RBM19: variants seen among roughly 807,000 people sequenced by gnomAD.
RBM19 encodes RNA binding motif protein 19.
In RBM19, 94 loss-of-function variants were observed where a neutral mutation model predicts 116.8. The ratio of observed to expected loss-of-function variants is 0.80; its 90% CI spans 0.68 to 0.95. The LOEUF (loss-of-function observed/expected upper bound fraction) is 0.95. RBM19 is among the 40% of genes least tolerant of loss of function. RBM19 has a pLI of 0.00. For missense variants in RBM19, 1,161 were observed against 1,220.7 expected (o/e 0.95, Z 0.73); for synonymous variants, 475 against 494.1 (o/e 0.96, Z 0.51).
intron 21 of RBM19, 134 bp from the exon 22 acceptor site, chr12:113,859,030 AC>A: frequency 1.3e-6 from 1 of 748,856 alleles, no homozygotes; most frequent in Non-Finnish European, 2.2e-6. Context: ...ACACACGCTC[AC>A]ACATGTCAGC....
rs12582468 is a variant in RBM19 at position 113,895,437 on chromosome 12, T to C, written c.2558+19532A>G. Among the ~76,000 whole-genome samples, 168 of 152,076 alleles carry C rather than the reference T, an allele frequency of 1.1e-3. 2 individuals are homozygous for C. In the East Asian group the frequency reaches 0.017, roughly 15 times the overall value. On this transcript the variant is annotated intron_variant, in intron 21 of 23. Transcript: ENST00000261741. ...AATGGGCTGCCTGGCCTCCTGAGAG[T>C]GAAGGATACGTACGGCATTATGAAA...
chr12:113,937,001 T>A lies in RBM19; in HGVS notation c.2068+6A>T. On this transcript the variant is annotated splice_donor_region_variant and intron_variant, in intron 16 of 23. Coordinates refer to ENST00000261741, the MANE Select transcript of RBM19 (RefSeq NM_016196.4). ...AAGCCATCCTGGTCTCAGACTCAGC[T>A]CTTACCTGTTTCTGGCTCTGCTGGG... The A allele has an allele frequency of 6.2e-7, 1 of 1,613,680 alleles. No homozygotes were observed. Among genetic ancestry groups the A allele is most frequent in the South Asian group, 1.1e-5 (1 of 91,038 alleles).
In RBM19 at chr12:113,855,871, A is replaced by G. The variant is rs145730467; in HGVS notation, c.2664+2920T>C. 1.6e-4 allele frequency among the ~76,000 whole-genome samples: 25 copies of G among 152,328 alleles called. No homozygotes were observed. In the East Asian group the frequency reaches 4.6e-3, roughly 28 times the overall value. Reference sequence around the variant, plus strand: ...TGTGGACGATTCTACGGGTCAGTGGAGAGTGCTAAATGTTCCACTCAGAAG... The same window carrying G: ...TGTGGACGATTCTACGGGTCAGTGGGGAGTGCTAAATGTTCCACTCAGAAG... On this transcript the variant is annotated intron_variant, in intron 22 of 23. Transcript: ENST00000261741.
Position 113,942,368 on chromosome 12 carries a change from G to A in RBM19, c.1693C>T (p.Arg565Cys), listed in dbSNP as rs746667832. The change falls in exon 14 of 24, where the codon CGT becomes TGT. Residue 565 changes from arginine to cysteine, a missense_variant. By Grantham distance (180) the Arg-to-Cys change is radical. Transcript: ENST00000261741. ...GETQLVQEVRRFLIDNGVSLD... is the reference protein window; with the variant it reads ...GETQLVQEVRCFLIDNGVSLD... ...CTGACCCCGTTGTCTATGAGAAAAC[G>A]CCGCACTTCCTGGACGAGCTGGGTT... is the stretch of plus-strand genomic sequence containing the variant. 3.7e-6 allele frequency: 6 copies of A among 1,609,104 alleles called. No individual in the cohort carries two copies. The highest frequency in any genetic ancestry group is 4.2e-6 in the Non-Finnish European group (5 of 1,179,914).
chr12:113,878,940 C>T (rs1434565198), intron 21 of RBM19, among the ~76,000 whole-genome samples: 1 of 151,906 alleles, frequency 6.6e-6, no homozygotes, highest in Non-Finnish European at 1.5e-5. Context: ...GTGAGTGGCA[C>T]ACAGAGAATT....
chr12:113,919,399 G>T (rs182524529), intron 19 of RBM19, among the ~76,000 whole-genome samples: 1 of 152,122 alleles, frequency 6.6e-6, no homozygotes. Flanking sequence ...GTGAAACCCC[G>T]TCTCTACTAA....
chr12:113,893,156 T>G (rs1881072461), intron 21 of RBM19, among the ~76,000 whole-genome samples: 1 of 151,934 alleles, frequency 6.6e-6, no homozygotes. Flanking sequence ...CTCAGTCTCC[T>G]GAGTAACTGG....
At chr12:113,889,981 C>A (rs1330716560) in intron 21 of RBM19, among the ~76,000 whole-genome samples, 1 of 152,130 alleles carries the variant, frequency 6.6e-6, no homozygotes, top group East Asian at 1.9e-4. Context: ...CAGCTCCCTG[C>A]TCCAAGGCTG....
At chr12:113,950,238 T>C in intron 8 of RBM19, 84 bp from the exon 9 acceptor site, 2 of 1,140,388 alleles carry the variant, frequency 1.8e-6, no homozygotes, top group East Asian at 4.8e-5. Flanking sequence ...CATACTGTGC[T>C]AGGAGCAGAA....
rs116504266 is a variant in RBM19, at chr12:113,834,455, A to C, written c.2785+10213T>G. ...GATAAAATAAGGGCAGCCACTTCAG[A>C]AGCCCTAGGGGCTGCAAGGCCTTTC... On this transcript the variant is annotated intron_variant, in intron 23 of 23. Transcript: ENST00000261741. Among the ~76,000 whole-genome samples, 918 of 152,310 alleles carry C rather than the reference A, an allele frequency of 6.0e-3. 7 individuals are homozygous for C. The highest frequency in any genetic ancestry group is 0.017 in the African/African-American group (724 of 41,578).
rs561156299 is a variant in RBM19, at chr12:113,958,190, C to T, written c.572-140G>A. Reference sequence around the variant, plus strand: ...TCCATGGCCCCTGTGCCCAGCATCCCCCATAAGTCCTCTGATTAGCAATAC... The same window carrying T: ...TCCATGGCCCCTGTGCCCAGCATCCTCCATAAGTCCTCTGATTAGCAATAC... On this transcript the variant is annotated intron_variant, in intron 5 of 23. Coordinates refer to ENST00000261741, the MANE Select transcript of RBM19 (RefSeq NM_016196.4). 7,209 of 1,456,980 alleles carry T rather than the reference C, an allele frequency of 4.9e-3. 30 individuals carry two copies. The highest frequency in any genetic ancestry group is 6.0e-3 in the Non-Finnish European group (6,656 of 1,103,280). The allele number at this position is 1,456,980 out of a possible 1,614,324, so 90.3% of individuals were successfully genotyped here.
At chr12:113,875,818 C>T (rs1048891580) in intron 21 of RBM19, among the ~76,000 whole-genome samples, 6 of 152,208 alleles carry the variant, frequency 3.9e-5, no homozygotes, top group African/African-American at 7.2e-5. Context: ...TCTGGCGACG[C>T]ACAAAGCCCA....
intron 23 of RBM19, among the ~76,000 whole-genome samples, chr12:113,831,230 G>GTT (rs34819467): frequency 0.17 from 25,822 of 152,142 alleles, 2,206 homozygotes; most frequent in South Asian, 0.25. Flanking sequence ...TCTAATTTCA[G>GTT]CCGACAACTT....
At chr12:113,943,837 A>G (rs560868809) in intron 13 of RBM19, among the ~76,000 whole-genome samples, 1 of 152,240 alleles carries the variant, frequency 6.6e-6, no homozygotes, top group African/African-American at 2.4e-5. Flanking sequence ...AGGGAGGGAA[A>G]ATGTCTTGGA....
rs146937005 is a variant in RBM19, at chr12:113,890,864, T to C, written c.2558+24105A>G. ...GAGCAGTGGCGCGATCACAGCTCACTGTAGCCTCAAACTCTCAGGCTCAAG... is the reference window on the plus strand; with the variant it reads ...GAGCAGTGGCGCGATCACAGCTCACCGTAGCCTCAAACTCTCAGGCTCAAG... On this transcript the variant is annotated intron_variant, in intron 21 of 23. Transcript: ENST00000261741. 8.1e-3 allele frequency among the ~76,000 whole-genome samples: 1,228 copies of C among 152,334 alleles called. 11 individuals carry two copies. The highest frequency in any genetic ancestry group is 0.011 in the Non-Finnish European group (715 of 68,024).
chr12:113,852,437 T>C (rs1200818544), intron 22 of RBM19, among the ~76,000 whole-genome samples: 5 of 152,152 alleles, frequency 3.3e-5, no homozygotes, highest in Admixed American at 2.6e-4. Context: ...TGAAGAAAAC[T>C]TGGCAAAAAG....
At chr12:113,861,189 G>A (rs543501718) in intron 21 of RBM19, among the ~76,000 whole-genome samples, 29 of 152,290 alleles carry the variant, frequency 1.9e-4, no homozygotes, top group Non-Finnish European at 1.8e-4. Context: ...TCATCTGGAC[G>A]GGGACTGGCC....
At chr12:113,925,045 C>G (rs1010851083) in intron 17 of RBM19, among the ~76,000 whole-genome samples, 4 of 152,194 alleles carry the variant, frequency 2.6e-5, no homozygotes, top group Non-Finnish European at 5.9e-5. Flanking sequence ...GGCCTAAGTT[C>G]CGAAGCATGG....
intron 23 of RBM19, among the ~76,000 whole-genome samples, chr12:113,832,203 T>G (rs965154350): frequency 1.6e-4 from 24 of 151,844 alleles, no homozygotes; most frequent in Non-Finnish European, 3.2e-4. Context: ...TTCTTTTTTT[T>G]TTTTTAGACT....
Sources: allele counts gnomAD v4.1 joint callset (sites outside exome capture counted in the v4.1 genomes callset), GRCh38; gene constraint gnomAD v4.1.1; transcripts MANE v1.5; gene names NCBI Gene and HGNC (gene_info 2026-07-23, HGNC 2026-07-21).